The following LINGO2 variants were observed in gnomAD, a reference collection of about 807,000 sequenced individuals.
LINGO2 encodes leucine-rich repeat and immunoglobulin-like domain-containing nogo receptor-interacting protein 2.
In LINGO2, 14 loss-of-function variants were observed where a neutral mutation model predicts 30.6. That is an observed-to-expected ratio of 0.46 (90% CI 0.30 to 0.72). The LOEUF (loss-of-function observed/expected upper bound fraction) is 0.72, where lower values mean the gene tolerates loss of function less well. Ranked by LOEUF, LINGO2 falls within the 30% of genes least tolerant of loss-of-function variation. The pLI, the probability that LINGO2 is intolerant of heterozygous loss-of-function variation, is 0.07. For missense variants in LINGO2, 729 were observed against 751.7 expected (o/e 0.97, Z 0.35); for synonymous variants, 317 against 288.5 (o/e 1.10, Z -1.00).
chr9:28,196,772 T>C (rs187376918), intron 4 of LINGO2, among the ~76,000 whole-genome samples: 69 of 152,052 alleles, frequency 4.5e-4, no homozygotes, highest in Non-Finnish European at 3.5e-4. Flanking sequence ...AACTGGACAA[T>C]GTTATGTTAA....
intron 4 of LINGO2, among the ~76,000 whole-genome samples, chr9:28,019,171 ACTATGCTTTTACCT>A (rs1221191799): frequency 6.6e-6 from 1 of 152,152 alleles, no homozygotes; most frequent in Non-Finnish European, 1.5e-5. Flanking sequence ...CCTATTGGGT[ACTATGCTTTTACCT>A]GAATGATGAA....
chr9:28,965,114 G>A, the LINGO2 span, among the ~76,000 whole-genome samples: 315 of 152,004 alleles, frequency 2.1e-3, no homozygotes, highest in African/African-American at 7.3e-3. Context: ...GAGTAGAAAT[G>A]ACATGCATTC....
the LINGO2 span, among the ~76,000 whole-genome samples, chr9:28,918,992 G>C: frequency 5.3e-5 from 8 of 152,180 alleles, no homozygotes; most frequent in African/African-American, 9.7e-5. Context: ...ACTGTATCCA[G>C]TATGTTCAAT....
At chr9:29,194,259 C>CCG in the LINGO2 span, among the ~76,000 whole-genome samples, 1 of 152,134 alleles carries the variant, frequency 6.6e-6, no homozygotes. Flanking sequence ...AAGCACCCCC[C>CCG]GGAGCCCATG....
chr9:29,205,028 AT>A, the LINGO2 span, among the ~76,000 whole-genome samples: 1 of 151,926 alleles, frequency 6.6e-6, no homozygotes, highest in Non-Finnish European at 1.5e-5. Flanking sequence ...TTTTCCAGTG[AT>A]TTTTCTGCAT....
chr9:28,314,573 G>A (rs1220958416), intron 3 of LINGO2, among the ~76,000 whole-genome samples: 1 of 152,154 alleles, frequency 6.6e-6, no homozygotes, highest in Non-Finnish European at 1.5e-5. Flanking sequence ...AAAGCACTTT[G>A]CCAGAGCTAG....
intron 4 of LINGO2, among the ~76,000 whole-genome samples, chr9:28,160,082 T>C (rs1828242761): frequency 6.6e-6 from 1 of 151,920 alleles, no homozygotes; most frequent in African/African-American, 2.4e-5. Context: ...ATGTGCTACC[T>C]TATGGAAAGG....
At chr9:28,425,618 G>A (rs868213689) in intron 2 of LINGO2, among the ~76,000 whole-genome samples, 6 of 151,906 alleles carry the variant, frequency 3.9e-5, no homozygotes, top group Non-Finnish European at 7.4e-5. Context: ...ACACCATAGC[G>A]TTTGTTAGGG....
intron 4 of LINGO2, among the ~76,000 whole-genome samples, chr9:28,131,214 G>A (rs960390743): frequency 2.7e-5 from 4 of 150,542 alleles, no homozygotes; most frequent in Admixed American, 1.3e-4. Flanking sequence ...AACAAGGTAC[G>A]ACTTTTGGAG....
chr9:28,201,429 T>G (rs1587210381), intron 4 of LINGO2, among the ~76,000 whole-genome samples: 1 of 145,352 alleles, frequency 6.9e-6, no homozygotes, highest in Non-Finnish European at 1.5e-5. Context: ...TATGGCTGCA[T>G]AGTATTCCAT....
At chr9:28,553,254 A>T (rs1197822093) in intron 1 of LINGO2, among the ~76,000 whole-genome samples, 2 of 152,076 alleles carry the variant, frequency 1.3e-5, no homozygotes, top group East Asian at 3.9e-4. Context: ...CTTTGAAAAA[A>T]ATGTAGAAGA....
At chr9:27,946,741 T>C (rs1043108676), downstream of LINGO2, among the ~76,000 whole-genome samples, 5 of 152,240 alleles carry the variant, frequency 3.3e-5, no homozygotes, top group East Asian at 1.9e-4. Context: ...ATAAGGTATT[T>C]GGCACAAATG....
the LINGO2 span, among the ~76,000 whole-genome samples, chr9:29,146,054 G>C: frequency 6.6e-6 from 1 of 152,038 alleles, no homozygotes; most frequent in African/African-American, 2.4e-5. Context: ...TGCATGTAAA[G>C]GTCAGTTATC....
chr9:28,277,653 CA>C (rs1823164751), intron 4 of LINGO2, among the ~76,000 whole-genome samples: 1 of 151,514 alleles, frequency 6.6e-6, no homozygotes, highest in Non-Finnish European at 1.5e-5. Context: ...AAAACACACA[CA>C]AAAAATTAGC....
intron 4 of LINGO2, among the ~76,000 whole-genome samples, chr9:28,020,469 C>CT (rs935221709): frequency 6.6e-6 from 1 of 152,092 alleles, no homozygotes; most frequent in Non-Finnish European, 1.5e-5. Context: ...GTGGAGGTTG[C>CT]TGTGAGCCGA....
chr9:28,613,078 G>C (rs1201901564), intron 1 of LINGO2, among the ~76,000 whole-genome samples: 1 of 152,020 alleles, frequency 6.6e-6, no homozygotes, highest in East Asian at 1.9e-4. Context: ...TTGTGAATAA[G>C]GTATCTTGCT....
intron 1 of LINGO2, among the ~76,000 whole-genome samples, chr9:28,506,485 C>CAGATATATATAT (rs1820135121): frequency 1.4e-5 from 1 of 73,398 alleles, no homozygotes. Flanking sequence ...CACACATACA[C>CAGATATATATAT]ATACACACAC....
At chr9:28,862,912 G>T in the LINGO2 span, among the ~76,000 whole-genome samples, 1 of 152,070 alleles carries the variant, frequency 6.6e-6, no homozygotes, top group African/African-American at 2.4e-5. Flanking sequence ...TGACAGAAAT[G>T]ACCACAAAGT....
chr9:28,567,238 C>T (rs1823427710), intron 1 of LINGO2, among the ~76,000 whole-genome samples: 1 of 152,046 alleles, frequency 6.6e-6, no homozygotes, highest in Non-Finnish European at 1.5e-5. Flanking sequence ...GAAAATTTCT[C>T]AAAGAATTAA....
Sources: gnomAD v4.1 joint callset for allele counts (sites outside exome capture counted in the v4.1 genomes callset) on GRCh38, gnomAD v4.1.1 for gene constraint, MANE v1.5 for transcripts, NCBI Gene and HGNC (gene_info 2026-07-23, HGNC 2026-07-21) for gene names.